The following NAA35 variants were observed in gnomAD, a reference collection of about 807,000 sequenced individuals.
NAA35 encodes MAK10 homolog, amino-acid N-acetyltransferase subunit.
A neutral mutation model predicts 101.7 loss-of-function variants in NAA35; 18 were observed. That is an observed-to-expected ratio of 0.18 (90% CI 0.12 to 0.26). The LOEUF (loss-of-function observed/expected upper bound fraction) is 0.26. Among genes scored for constraint, NAA35 ranks in the 10% least tolerant of loss-of-function variants. The pLI is 1.00. For missense variants in NAA35, 601 were observed against 886.8 expected, an observed-to-expected ratio of 0.68 and a Z score of 4.09; for synonymous variants, 267 against 273.1, an observed-to-expected ratio of 0.98 and a Z score of 0.22.
At chr9:85,970,739 A>G (rs1829965695) in intron 6 of NAA35, among the ~76,000 whole-genome samples, 2 of 140,468 alleles carry the variant, frequency 1.4e-5, no homozygotes, top group Admixed American at 7.6e-5. Context: ...GTCAGATATG[A>G]ATGTTAAGGA....
At chr9:85,963,654 T>C (rs1829620173) in intron 6 of NAA35, among the ~76,000 whole-genome samples, 1 of 152,142 alleles carries the variant, frequency 6.6e-6, no homozygotes, top group Admixed American at 6.5e-5. Flanking sequence ...ATGGGTATCA[T>C]TATGGAAAAT....
At chr9:86,017,729 C>T (rs932861625) in intron 19 of NAA35, among the ~76,000 whole-genome samples, 164 bp downstream of exon 19, 1 of 152,210 alleles carries the variant, frequency 6.6e-6, no homozygotes, top group Middle Eastern at 3.4e-3. Context: ...TTTCAACAAC[C>T]ATTTGAACCC....
Position 86,018,294 on chromosome 9 carries a change from C to A in NAA35, c.1813C>A (p.Pro605Thr). Residue 605 changes from proline to threonine, a missense_variant, in exon 20 of 23, where the codon CCG becomes ACG. By Grantham distance (38) the Pro-to-Thr change is conservative. Transcript: ENST00000361671. ...TGACATGGACGGCAAAGTACGTAAA[C>A]CGAAGTTTGAGCTTGATAGTGAACA... ...AFDMDGKVRK[P>T]KFELDSEQVR... 1 of 1,613,844 alleles carries A rather than the reference C, an allele frequency of 6.2e-7. No individual in the cohort carries two copies. The highest frequency in any genetic ancestry group is 1.3e-5 in the African/African-American group (1 of 75,024).
chr9:85,951,850 G>A (rs1348351976), intron 2 of NAA35, among the ~76,000 whole-genome samples: 1 of 152,144 alleles, frequency 6.6e-6, no homozygotes, highest in Non-Finnish European at 1.5e-5. Flanking sequence ...AGTAGAGACG[G>A]GGTTTCGCCA....
At chr9:85,941,662 A>C in intron 1 of NAA35, 1 of 986,020 alleles carries the variant, frequency 1.0e-6, no homozygotes, top group Non-Finnish European at 1.2e-6. Context: ...CCGGCTCCTC[A>C]TTGCTCCCGG....
chr9:85,995,241 A>G (rs899503594), intron 11 of NAA35, among the ~76,000 whole-genome samples: 2 of 151,262 alleles, frequency 1.3e-5, no homozygotes, highest in African/African-American at 4.8e-5. Flanking sequence ...GTACTGAGTG[A>G]TTTTTAGCAA....
At position 85,977,504 on chromosome 9, in the gene NAA35, G is replaced by C. The variant is rs750328078; in HGVS notation, c.762+58G>C. The C allele has an allele frequency of 2.5e-6, 3 of 1,211,832 alleles. No individual in the cohort carries two copies. The African/African-American group carries it at 4.5e-5, about 18-fold the overall frequency. 75.1% of individuals were successfully genotyped at this position (1,211,832 alleles called of 1,614,324 possible). On this transcript the variant is annotated intron_variant, in intron 10 of 22. Coordinates refer to ENST00000361671, the MANE Select transcript of NAA35 (RefSeq NM_024635.4). The stretch of plus-strand genomic sequence containing the variant: ...TTTAGTGATTTTGGCTGGAATTCCT[G>C]AGTGAAGCAGTTCTGAAACTTCTCC...
intron 6 of NAA35, among the ~76,000 whole-genome samples, chr9:85,973,763 A>T (rs1830098800): frequency 6.6e-6 from 1 of 151,542 alleles, no homozygotes; most frequent in Admixed American, 6.6e-5. Context: ...TTTTTTTTTA[A>T]GGATTTGATC....
At chr9:85,973,672 GAGA>G in intron 6 of NAA35, among the ~76,000 whole-genome samples, 1 of 151,992 alleles carries the variant, frequency 6.6e-6, no homozygotes, top group East Asian at 1.9e-4. Context: ...TGTAAAATTT[GAGA>G]ATCCTGTTTG....
intron 6 of NAA35, among the ~76,000 whole-genome samples, chr9:85,965,370 T>G (rs191916690): frequency 4.7e-4 from 72 of 152,308 alleles, no homozygotes; most frequent in Non-Finnish European, 6.3e-4. Context: ...CTCATGCCTA[T>G]TAATCCCAGC....
intron 17 of NAA35, chr9:86,015,895 A>C: frequency 2.6e-6 from 1 of 377,408 alleles, no homozygotes; most frequent in Non-Finnish European, 3.6e-6. Context: ...GCAGGGAACA[A>C]AATTCAGTTA....
intron 11 of NAA35, among the ~76,000 whole-genome samples, chr9:85,992,173 C>CAAA (rs60842873): frequency 1.6e-3 from 217 of 137,670 alleles, no homozygotes; most frequent in African/African-American, 5.9e-3. Flanking sequence ...GACTCCGTCT[C>CAAA]AAAAAAAAAA....
chr9:85,993,303 G>C (rs1327903276), intron 11 of NAA35, among the ~76,000 whole-genome samples: 1 of 152,228 alleles, frequency 6.6e-6, no homozygotes, highest in African/African-American at 2.4e-5. Flanking sequence ...CTCCTGGGTA[G>C]CTGGGATTAC....
chr9:85,941,287 C>T lies in NAA35; in HGVS notation c.-6+14C>T, dbSNP rs1828500028. On this transcript the variant is annotated intron_variant, in intron 1 of 22. Transcript: ENST00000361671. The stretch of plus-strand genomic sequence containing the variant: ...CGGGAGAAGTAGGTAGGGACCGCCC[C>T]TGCGTAGCCATTGAAACCCTCTCGC... 12 of 985,624 alleles carry T rather than the reference C, an allele frequency of 1.2e-5. No homozygotes were observed. Among genetic ancestry groups the T allele is most frequent in the Non-Finnish European group, 1.4e-5 (12 of 830,080 alleles). 61.1% of individuals were successfully genotyped at this position (985,624 alleles called of 1,614,324 possible).
chr9:85,945,910 C>T lies in NAA35; in HGVS notation c.124+3627C>T, dbSNP rs189181469. Among the ~76,000 whole-genome samples the T allele has an allele frequency of 4.6e-3, 705 of 152,248 alleles. 4 individuals carry two copies. The highest frequency in any genetic ancestry group is 0.014 in the Middle Eastern group (4 of 294). Reference sequence around the variant, plus strand: ...CACATTTGTACTAAAAGTAGTGGCTCTTTAAAGTCCTGAATCAAATACAAA... The same window carrying T: ...CACATTTGTACTAAAAGTAGTGGCTTTTTAAAGTCCTGAATCAAATACAAA... On this transcript the variant is annotated intron_variant, in intron 2 of 22. Coordinates refer to ENST00000361671, the MANE Select transcript of NAA35 (RefSeq NM_024635.4).
At position 85,977,377 on chromosome 9, in the gene NAA35, A is replaced by G; in HGVS notation, c.693A>G (p.Leu231=). ...PEVELEHQQC[L]AVFSRVKFTR... is the part of the protein sequence containing the mutation. ...TGTTTTTTTAGCACCAACAATGTTT[A>G]GCAGTATTCAGCAGAGTGAAATTTA... The change falls in exon 10 of 23, where the codon TTA becomes TTG. Residue 231 remains leucine (L), a synonymous_variant. Transcript: ENST00000361671. 6.2e-7 allele frequency: 1 copy of G among 1,611,840 alleles called. No homozygotes were observed. Among genetic ancestry groups the G allele is most frequent in the Non-Finnish European group, 8.5e-7 (1 of 1,178,330 alleles).
At chr9:85,989,515 A>G (rs1016632661) in intron 11 of NAA35, among the ~76,000 whole-genome samples, 4 of 152,096 alleles carry the variant, frequency 2.6e-5, no homozygotes, top group African/African-American at 9.7e-5. Context: ...ACAAAACAAA[A>G]AAACTGTGAC....
chr9:86,002,608 C>T (rs1346043362), intron 12 of NAA35, among the ~76,000 whole-genome samples: 1 of 151,994 alleles, frequency 6.6e-6, no homozygotes, highest in African/African-American at 2.4e-5. Context: ...GAGAACCAGT[C>T]TTCAAGTTCT....
intron 13 of NAA35, among the ~76,000 whole-genome samples, chr9:86,005,541 G>T (rs949387148): frequency 6.6e-6 from 1 of 152,128 alleles, no homozygotes; most frequent in Non-Finnish European, 1.5e-5. Context: ...AAAAAATATT[G>T]TCTATTTAGA....
Sources: allele counts gnomAD v4.1 joint callset (sites outside exome capture counted in the v4.1 genomes callset), GRCh38; gene constraint gnomAD v4.1.1; transcripts MANE v1.5; gene names NCBI Gene and HGNC (gene_info 2026-07-23, HGNC 2026-07-21).